CTNNA3: variants seen among roughly 807,000 people sequenced by gnomAD.
CTNNA3 encodes catenin alpha 3, also known as catenin alpha-3.
In CTNNA3, 76 loss-of-function variants were observed where a neutral mutation model predicts 95.7. The ratio of observed to expected loss-of-function variants is 0.79; its 90% CI spans 0.66 to 0.96. The LOEUF (loss-of-function observed/expected upper bound fraction) is 0.96. Among genes scored for constraint, CTNNA3 ranks in the 40% least tolerant of loss-of-function variants. The probability of loss-of-function intolerance (pLI) is 0.00; values close to 1 mark genes in which losing one functional copy is unlikely to be tolerated. For synonymous variants in CTNNA3, 431 were observed against 374.4 expected, an observed-to-expected ratio of 1.15 and a Z score of -1.74; for missense variants, 1,191 against 1,089.8, an observed-to-expected ratio of 1.09 and a Z score of -1.31.
In CTNNA3 at chr10:66,132,425, A is replaced by G. The variant is rs551878994; in HGVS notation, c.1885-29176T>C. Among the ~76,000 whole-genome samples, 5 of 152,326 alleles carry G rather than the reference A, an allele frequency of 3.3e-5. No homozygotes were observed. In the East Asian group the frequency reaches 9.7e-4, roughly 29 times the overall value. ...AACAGGTGCTGGCAAGGTAGTGGAG[A>G]AAAAGGAAAGCTTATACACTGTTGG... On this transcript the variant is annotated intron_variant, in intron 13 of 17. Coordinates refer to ENST00000433211, the MANE Select transcript of CTNNA3 (RefSeq NM_013266.4).
intron 5 of CTNNA3, among the ~76,000 whole-genome samples, chr10:67,373,526 G>C (rs929172645): frequency 1.1e-4 from 17 of 151,950 alleles, no homozygotes; most frequent in African/African-American, 4.1e-4. Flanking sequence ...AACAATAATG[G>C]GAGACTTTAA....
intron 13 of CTNNA3, among the ~76,000 whole-genome samples, chr10:66,247,355 A>C (rs1201201969): frequency 6.6e-6 from 1 of 152,142 alleles, no homozygotes; most frequent in Non-Finnish European, 1.5e-5. Flanking sequence ...CCTGGGGTTT[A>C]GGGGAATTTG....
At chr10:67,276,481 A>G (rs1011923282) in intron 5 of CTNNA3, among the ~76,000 whole-genome samples, 1 of 152,168 alleles carries the variant, frequency 6.6e-6, no homozygotes, top group Non-Finnish European at 1.5e-5. Context: ...TAAAATTCAG[A>G]AACAAACCAT....
At chr10:67,089,256 A>G (rs957594806) in intron 7 of CTNNA3, among the ~76,000 whole-genome samples, 5 of 152,080 alleles carry the variant, frequency 3.3e-5, no homozygotes, top group African/African-American at 1.2e-4. Context: ...AAAATTAAGT[A>G]CCAGGGCCTG....
At chr10:67,541,801 G>C (rs779364565) in intron 3 of CTNNA3, among the ~76,000 whole-genome samples, 2 of 152,102 alleles carry the variant, frequency 1.3e-5, no homozygotes, top group Non-Finnish European at 2.9e-5. Context: ...CTATGAGACT[G>C]TGAAAAGTTA....
rs557346256 is a variant in CTNNA3 at position 66,202,584 on chromosome 10, G to A, written c.1884+77886C>T. Among the ~76,000 whole-genome samples the A allele has an allele frequency of 7.2e-4, 109 of 152,122 alleles. 1 individual carries two copies. Among genetic ancestry groups the A allele is most frequent in the Non-Finnish European group, 9.1e-4 (62 of 67,992 alleles). On this transcript the variant is annotated intron_variant, in intron 13 of 17. Coordinates refer to ENST00000433211, the MANE Select transcript of CTNNA3 (RefSeq NM_013266.4). The stretch of plus-strand genomic sequence containing the variant: ...ACGCTTCTGAATGTAGTTTTGCTCC[G>A]GTTTTTCTTTTAACAGCACCTATAA...
At chr10:66,831,857 GATTA>G (rs1233913414) in intron 7 of CTNNA3, among the ~76,000 whole-genome samples, 1 of 152,134 alleles carries the variant, frequency 6.6e-6, no homozygotes, top group Non-Finnish European at 1.5e-5. Flanking sequence ...GAGATATTCT[GATTA>G]ATTCATTCAA....
At chr10:66,382,831 A>G (rs2092852955) in intron 11 of CTNNA3, among the ~76,000 whole-genome samples, 1 of 152,162 alleles carries the variant, frequency 6.6e-6, no homozygotes, top group South Asian at 2.1e-4. Flanking sequence ...AAACTCCAAC[A>G]GACCTGCAGC....
upstream of CTNNA3, among the ~76,000 whole-genome samples, chr10:67,699,277 T>A (rs1218422055): frequency 2.0e-5 from 3 of 147,308 alleles, no homozygotes; most frequent in African/African-American, 8.1e-5. Flanking sequence ...GCCTTCATCA[T>A]AATACTTCCC....
rs150291056 is a variant in CTNNA3 at position 66,173,162 on chromosome 10, A to G, written c.1885-69913T>C. Among the ~76,000 whole-genome samples, 15 of 152,360 alleles carry G rather than the reference A, an allele frequency of 9.8e-5. No individual in the cohort carries two copies. The East Asian group carries it at 2.9e-3, about 29-fold the overall frequency. ...AGAAGGGTTTCACTAAGTGAATAAG[A>G]ATAATACATTTGAACATTTACCATG... On this transcript the variant is annotated intron_variant, in intron 13 of 17. Coordinates refer to ENST00000433211, the MANE Select transcript of CTNNA3 (RefSeq NM_013266.4).
At chr10:66,739,682 G>T (rs1468534563) in intron 9 of CTNNA3, among the ~76,000 whole-genome samples, 1 of 152,096 alleles carries the variant, frequency 6.6e-6, no homozygotes, top group Non-Finnish European at 1.5e-5. Flanking sequence ...AAGGTACATT[G>T]TTAAGACTAA....
intron 5 of CTNNA3, among the ~76,000 whole-genome samples, chr10:67,403,600 A>G (rs541140990): frequency 2.2e-4 from 34 of 152,308 alleles, no homozygotes; most frequent in African/African-American, 7.5e-4. Flanking sequence ...GTGGGCTGCC[A>G]CCTGTGCTGT....
chr10:67,254,347 G>T (rs1342536206), intron 5 of CTNNA3, among the ~76,000 whole-genome samples: 1 of 152,126 alleles, frequency 6.6e-6, no homozygotes, highest in Non-Finnish European at 1.5e-5. Context: ...AAACTAACAT[G>T]TATCAAGTGT....
intron 13 of CTNNA3, among the ~76,000 whole-genome samples, chr10:66,231,581 A>G (rs991195428): frequency 6.6e-6 from 1 of 152,128 alleles, no homozygotes; most frequent in African/African-American, 2.4e-5. Context: ...ATTATACACT[A>G]AGATAGCTTT....
chr10:66,231,334 C>T lies in CTNNA3; in HGVS notation c.1884+49136G>A, dbSNP rs115176260. Among the ~76,000 whole-genome samples the T allele has an allele frequency of 8.4e-3, 1,280 of 152,096 alleles. 22 individuals are homozygous for T. Among genetic ancestry groups the T allele is most frequent in the African/African-American group, 0.028 (1,163 of 41,486 alleles). ...TACTATATAACCCTAGTATCTATGC[C>T]TCAGAGGGTTTTTGATATTTCGTAA... On this transcript the variant is annotated intron_variant, in intron 13 of 17. Transcript: ENST00000433211.
intron 13 of CTNNA3, among the ~76,000 whole-genome samples, chr10:66,154,091 A>G (rs750896152): frequency 3.9e-5 from 6 of 151,934 alleles, no homozygotes; most frequent in Non-Finnish European, 8.8e-5. Flanking sequence ...TTCAGCAAAT[A>G]AATAAGGCAG....
At chr10:67,267,997 T>C (rs577327199) in intron 5 of CTNNA3, among the ~76,000 whole-genome samples, 162 of 152,242 alleles carry the variant, frequency 1.1e-3, no homozygotes, top group Middle Eastern at 6.8e-3. Context: ...AAGCACATAA[T>C]AATTTGATAA....
chr10:66,525,968 G>C (rs1431706847), intron 10 of CTNNA3, among the ~76,000 whole-genome samples: 1 of 152,104 alleles, frequency 6.6e-6, no homozygotes, highest in African/African-American at 2.4e-5. Flanking sequence ...TCAAGTTGTA[G>C]TATGCATCAG....
At chr10:66,654,405 A>G (rs928971349) in intron 9 of CTNNA3, among the ~76,000 whole-genome samples, 11 of 152,114 alleles carry the variant, frequency 7.2e-5, no homozygotes, top group African/African-American at 2.7e-4. Context: ...GCAATGAGCT[A>G]TATCACCTTA....
Sources: allele counts gnomAD v4.1 joint callset (sites outside exome capture counted in the v4.1 genomes callset), GRCh38; gene constraint gnomAD v4.1.1; transcripts MANE v1.5; gene names NCBI Gene and HGNC (gene_info 2026-07-23, HGNC 2026-07-21).